Variants in GABRG3 observed in about 807,000 individuals in gnomAD.
The protein encoded by GABRG3 is gamma-aminobutyric acid receptor subunit gamma-3.
In GABRG3, 25 loss-of-function variants were observed where a neutral mutation model predicts 48.8. The ratio of observed to expected loss-of-function variants is 0.51; its 90% CI spans 0.37 to 0.72. The LOEUF is 0.72. Among genes scored for constraint, GABRG3 ranks in the 30% least tolerant of loss-of-function variants. The pLI is 0.00. For synonymous variants in GABRG3, 227 were observed against 217.6 expected (o/e 1.04, Z -0.38); for missense variants, 394 against 577.9 (o/e 0.68, Z 3.26).
At chr15:26,998,281 A>G (rs981375597) in intron 2 of GABRG3, among the ~76,000 whole-genome samples, 1 of 152,198 alleles carries the variant, frequency 6.6e-6, no homozygotes. Context: ...TCAACAACAC[A>G]TTTAGGCATG....
chr15:27,232,438 T>C (rs1045345364), intron 3 of GABRG3, among the ~76,000 whole-genome samples: 1 of 152,184 alleles, frequency 6.6e-6, no homozygotes, highest in African/African-American at 2.4e-5. Flanking sequence ...GGAGCCTCCT[T>C]CTTGCCTCGT....
At chr15:27,300,393 G>T (rs1282475843) in intron 3 of GABRG3, among the ~76,000 whole-genome samples, 1 of 152,070 alleles carries the variant, frequency 6.6e-6, no homozygotes. Flanking sequence ...GCCAGGCACG[G>T]TCACTCACAC....
intron 3 of GABRG3, among the ~76,000 whole-genome samples, chr15:27,214,460 T>G (rs17648494): frequency 0.54 from 81,428 of 152,026 alleles, 22,076 homozygotes; most frequent in East Asian, 0.72. Flanking sequence ...TGTAGGCATT[T>G]AGGGCGATAG....
At chr15:27,376,535 C>G (rs1022973873) in intron 5 of GABRG3, among the ~76,000 whole-genome samples, 2 of 152,210 alleles carry the variant, frequency 1.3e-5, no homozygotes, top group Non-Finnish European at 2.9e-5. Flanking sequence ...GCAGAGGTTC[C>G]TAAACCTCAG....
At chr15:27,238,932 T>C (rs1566976208) in intron 3 of GABRG3, among the ~76,000 whole-genome samples, 1 of 152,102 alleles carries the variant, frequency 6.6e-6, no homozygotes, top group African/African-American at 2.4e-5. Flanking sequence ...ACAAACAAAA[T>C]AAACAAACAG....
intron 3 of GABRG3, among the ~76,000 whole-genome samples, chr15:27,220,513 G>T (rs951583768): frequency 2.0e-5 from 3 of 152,162 alleles, no homozygotes; most frequent in Admixed American, 6.5e-5. Context: ...AAGAAATTTA[G>T]AACAAAGAAC....
intron 5 of GABRG3, chr15:27,428,048 AT>A (rs1297785037): frequency 2.6e-5 from 4 of 151,650 alleles, no homozygotes; most frequent in South Asian, 2.1e-4. Context: ...TGCCTGGCTA[AT>A]TTTTTTTTAA....
intron 2 of GABRG3, among the ~76,000 whole-genome samples, chr15:27,019,450 A>G (rs1304465683): frequency 1.3e-5 from 2 of 152,190 alleles, no homozygotes; most frequent in Non-Finnish European, 2.9e-5. Flanking sequence ...GCTTTGGTGA[A>G]GCTGCAGAAT....
chr15:27,072,120 G>A (rs1404453175), intron 3 of GABRG3, among the ~76,000 whole-genome samples: 5 of 152,156 alleles, frequency 3.3e-5, no homozygotes, highest in African/African-American at 7.2e-5. Context: ...TCATGCTTTC[G>A]TAATGACAGC....
chr15:27,054,103 A>G (rs1896500255), intron 3 of GABRG3, among the ~76,000 whole-genome samples: 1 of 152,020 alleles, frequency 6.6e-6, no homozygotes, highest in African/African-American at 2.4e-5. Flanking sequence ...ACTAAAAAAA[A>G]TAGCACGCAC....
At chr15:27,387,712 C>G (rs981599281) in intron 5 of GABRG3, among the ~76,000 whole-genome samples, 1 of 149,630 alleles carries the variant, frequency 6.7e-6, no homozygotes, top group South Asian at 2.1e-4. Context: ...CTCTGTCCCC[C>G]AGTCTCCACA....
At chr15:27,057,146 A>T (rs1030430118) in intron 3 of GABRG3, among the ~76,000 whole-genome samples, 3 of 151,976 alleles carry the variant, frequency 2.0e-5, no homozygotes, top group African/African-American at 7.2e-5. Flanking sequence ...CCTTGATTCC[A>T]TTTTTTTGGT....
In GABRG3 at chr15:27,180,584, T is replaced by G. The variant is rs1887897999; in HGVS notation, c.271-146225T>G. Reference sequence around the variant, plus strand: ...ACCATGTCATCCTGATTCACTCAACTTTACCCCAACTCAGATTCTGTTTCT... The same window carrying G: ...ACCATGTCATCCTGATTCACTCAACGTTACCCCAACTCAGATTCTGTTTCT... On this transcript the variant is annotated intron_variant, in intron 3 of 9. Transcript: ENST00000615808. The surrounding 1 kb of genome is among the most constrained non-coding windows in gnomAD (Gnocchi z 4.2). Among the ~76,000 whole-genome samples the G allele has an allele frequency of 6.6e-6, 1 of 152,124 alleles. No individual in the cohort carries two copies. Among genetic ancestry groups the G allele is most frequent in the Non-Finnish European group, 1.5e-5 (1 of 68,020 alleles).
intron 3 of GABRG3, among the ~76,000 whole-genome samples, chr15:27,145,665 T>TATCTATCGATCTATCTATCTATCTATC (rs57021410): frequency 7.2e-6 from 1 of 138,356 alleles, no homozygotes; most frequent in Non-Finnish European, 1.5e-5. Context: ...ATCTATCTAT[T>TATCTATCGATCTATCTATCTATCTATC]GTGCCAGAAG....
intron 2 of GABRG3, 140 bp downstream of exon 2, chr15:26,977,290 CTT>C: frequency 1.1e-6 from 1 of 872,610 alleles, no homozygotes; most frequent in East Asian, 2.5e-5. Flanking sequence ...CAATAGATAA[CTT>C]AGTGTGATAC....
intron 3 of GABRG3, among the ~76,000 whole-genome samples, chr15:27,074,531 C>T (rs527550579): frequency 3.8e-4 from 58 of 151,890 alleles, no homozygotes; most frequent in Middle Eastern, 3.4e-3. Context: ...GTCCCTTCCT[C>T]GGAGGATGGG....
In GABRG3 at chr15:27,180,306, A is replaced by G. The variant is rs564819933; in HGVS notation, c.271-146503A>G. ...ACAATAGCAACTAGAGTAAACGGGCAAATGGCTTGAGTGAAAGGAAAAAAA... is the reference window on the plus strand; with the variant it reads ...ACAATAGCAACTAGAGTAAACGGGCGAATGGCTTGAGTGAAAGGAAAAAAA... On this transcript the variant is annotated intron_variant, in intron 3 of 9. Coordinates refer to ENST00000615808, the MANE Select transcript of GABRG3 (RefSeq NM_033223.5). This position sits in a 1 kb window ranked among gnomAD's most constrained non-coding sequence, Gnocchi z 4.2. Among the ~76,000 whole-genome samples, 1 of 152,306 alleles carries G rather than the reference A, an allele frequency of 6.6e-6. No homozygotes were observed. The highest frequency in any genetic ancestry group is 1.9e-4 in the East Asian group (1 of 5,186).
intron 5 of GABRG3, among the ~76,000 whole-genome samples, chr15:27,439,116 C>T (rs764660864): frequency 3.3e-5 from 5 of 152,192 alleles, no homozygotes; most frequent in Non-Finnish European, 7.3e-5. Flanking sequence ...CAAGGGCCTC[C>T]TCCAAGGTCA....
chr15:27,218,582 G>A (rs1317834563), intron 3 of GABRG3, among the ~76,000 whole-genome samples: 1 of 152,086 alleles, frequency 6.6e-6, no homozygotes, highest in African/African-American at 2.4e-5. Flanking sequence ...GTCTCCACTC[G>A]GTTCCCATCT....
Sources: gnomAD v4.1 joint callset for allele counts (sites outside exome capture counted in the v4.1 genomes callset) on GRCh38, gnomAD v4.1.1 for gene constraint, Gnocchi (gnomAD v3.1) non-coding constraint, MANE v1.5 for transcripts, NCBI Gene and HGNC (gene_info 2026-07-23, HGNC 2026-07-21) for gene names.